Variants in ASTN2 observed in about 807,000 individuals in gnomAD.
ASTN2 encodes astrotactin-2.
A neutral mutation model predicts 139.8 loss-of-function variants in ASTN2; 54 were observed. That is an observed-to-expected ratio of 0.39 (90% CI 0.31 to 0.48). The LOEUF (loss-of-function observed/expected upper bound fraction) is 0.48, where lower values mean the gene tolerates loss of function less well. ASTN2 is among the 20% of genes least tolerant of loss of function. The probability of loss-of-function intolerance (pLI) is 0.95; values close to 1 mark genes in which losing one functional copy is unlikely to be tolerated. For synonymous variants in ASTN2, 756 were observed against 719.5 expected (o/e 1.05, Z -0.81); for missense variants, 1,565 against 1,725.1 (o/e 0.91, Z 1.64).
At chr9:117,141,527 C>A (rs1830075795) in intron 3 of ASTN2, 49 bp from the exon 4 acceptor site, 1 of 1,336,118 alleles carries the variant, frequency 7.5e-7, no homozygotes, top group African/African-American at 1.5e-5. Context: ...CCACCCTCAG[C>A]ACCTAGAGCA....
chr9:117,317,436 G>C (rs944300361), intron 1 of ASTN2, among the ~76,000 whole-genome samples: 3 of 152,208 alleles, frequency 2.0e-5, no homozygotes, highest in Admixed American at 6.5e-5. Context: ...TGGGAAGGAA[G>C]TAGCAGCTGC....
intron 7 of ASTN2, among the ~76,000 whole-genome samples, chr9:116,997,367 CCAAA>C (rs1406330067): frequency 6.6e-6 from 1 of 152,148 alleles, no homozygotes; most frequent in African/African-American, 2.4e-5. Flanking sequence ...ATCAAGACTA[CCAAA>C]CAGAGATAAA....
intron 5 of ASTN2, among the ~76,000 whole-genome samples, chr9:117,078,096 T>TA (rs1703433794): frequency 6.6e-6 from 1 of 152,184 alleles, no homozygotes; most frequent in Non-Finnish European, 1.5e-5. Flanking sequence ...GCTCCTCCCT[T>TA]AGACTTGTAT....
intron 11 of ASTN2, among the ~76,000 whole-genome samples, chr9:116,847,861 T>G (rs1289351914): frequency 6.6e-6 from 1 of 152,184 alleles, no homozygotes; most frequent in Non-Finnish European, 1.5e-5. Flanking sequence ...CTGACGCCAT[T>G]TGGAAGAATA....
At chr9:117,026,900 GATGCACAA>G (rs1838103773) in intron 6 of ASTN2, among the ~76,000 whole-genome samples, 1 of 134,406 alleles carries the variant, frequency 7.4e-6, no homozygotes, top group South Asian at 2.4e-4. Context: ...CCATTTCACA[GATGCACAA>G]ACGAGGCTTA....
chr9:116,544,061 A>C (rs1016174121), intron 19 of ASTN2, among the ~76,000 whole-genome samples: 1 of 152,202 alleles, frequency 6.6e-6, no homozygotes, highest in Non-Finnish European at 1.5e-5. Flanking sequence ...AATTCCCTGC[A>C]GAAACACTTG....
intron 3 of ASTN2, among the ~76,000 whole-genome samples, chr9:117,179,198 C>T (rs1830993459): frequency 6.6e-6 from 1 of 152,140 alleles, no homozygotes; most frequent in African/African-American, 2.4e-5. Context: ...ATTCCAACCA[C>T]CAGAGCTTTC....
intron 16 of ASTN2, among the ~76,000 whole-genome samples, chr9:116,685,550 GAA>G (rs943518763): frequency 6.6e-5 from 10 of 152,124 alleles, no homozygotes; most frequent in Non-Finnish European, 1.5e-4. Context: ...TTAAAATGCT[GAA>G]TAAAGAGTGT....
intron 10 of ASTN2, among the ~76,000 whole-genome samples, chr9:116,971,592 C>T (rs566250111): frequency 6.6e-6 from 1 of 152,300 alleles, no homozygotes; most frequent in Admixed American, 6.5e-5. Flanking sequence ...TTTAAGTCTT[C>T]CTCAAAGCCC....
intron 16 of ASTN2, among the ~76,000 whole-genome samples, chr9:116,723,851 T>G (rs911847897): frequency 2.0e-5 from 3 of 152,216 alleles, no homozygotes; most frequent in East Asian, 1.9e-4. Flanking sequence ...GCAAGAAAAG[T>G]GCCTTTGCAG....
At chr9:116,640,059 A>C (rs1271820346) in intron 17 of ASTN2, among the ~76,000 whole-genome samples, 1 of 152,184 alleles carries the variant, frequency 6.6e-6, no homozygotes, top group Non-Finnish European at 1.5e-5. Context: ...AATGTATAGG[A>C]AAATATTTTG....
rs143393598 is a variant in ASTN2 at position 116,811,790 on chromosome 9, A to T, written c.2208-5970T>A. On this transcript the variant is annotated intron_variant, in intron 12 of 22. Coordinates refer to ENST00000313400, the MANE Select transcript of ASTN2 (RefSeq NM_001365068.1). ...GCTTATTATTGTTATTGTTGTTGTT[A>T]CTTAGTCCATTAACCCATTTACATA... Among the ~76,000 whole-genome samples, 225 of 152,306 alleles carry T rather than the reference A, an allele frequency of 1.5e-3. 3 individuals are homozygous for T. The East Asian group carries it at 0.028, about 19-fold the overall frequency.
At chr9:117,401,846 A>G (rs990212458) in intron 1 of ASTN2, among the ~76,000 whole-genome samples, 1 of 152,178 alleles carries the variant, frequency 6.6e-6, no homozygotes, top group Admixed American at 6.5e-5. Context: ...TTTGTCAACT[A>G]TTTTTAAAAA....
intron 19 of ASTN2, among the ~76,000 whole-genome samples, chr9:116,490,813 T>C (rs1849497898): frequency 6.6e-6 from 1 of 152,118 alleles, no homozygotes; most frequent in Non-Finnish European, 1.5e-5. Flanking sequence ...CACATGGGGA[T>C]TATGGGAACT....
At chr9:116,490,057 A>G (rs545360253) in intron 19 of ASTN2, among the ~76,000 whole-genome samples, 2 of 152,114 alleles carry the variant, frequency 1.3e-5, no homozygotes, top group African/African-American at 4.8e-5. Flanking sequence ...TACAGAGTAA[A>G]GCCAAGGGTC....
intron 2 of ASTN2, among the ~76,000 whole-genome samples, chr9:117,231,228 T>C (rs576414176): frequency 5.0e-4 from 76 of 152,322 alleles, no homozygotes; most frequent in Non-Finnish European, 8.8e-4. Flanking sequence ...ATGAAAACCA[T>C]AGAAATTCTT....
Position 117,414,614 on chromosome 9 carries a change from C to T in ASTN2, c.325G>A (p.Gly109Ser). ...GACTCGGCGGCGGTGCCGGCAGAGCCAGGAGAGCCCGGGGACGCGGCGGCG... is the reference window on the plus strand; with the variant it reads ...GACTCGGCGGCGGTGCCGGCAGAGCTAGGAGAGCCCGGGGACGCGGCGGCG... The part of the protein sequence containing the change: ...AAAAASPGSP[G>S]SAGTAAESRL... Residue 109 changes from glycine to serine, a missense_variant, in exon 1 of 23, where the codon GGC (glycine) becomes AGC (serine). By Grantham distance (56) the Gly-to-Ser change is moderately conservative. Coordinates refer to ENST00000313400, the MANE Select transcript of ASTN2 (RefSeq NM_001365068.1). This position sits in a 1 kb window ranked among gnomAD's most constrained non-coding sequence, Gnocchi z 4.2. 1 of 1,537,540 alleles carries T rather than the reference C, an allele frequency of 6.5e-7. No homozygotes were observed. The highest frequency in any genetic ancestry group is 8.7e-7 in the Non-Finnish European group (1 of 1,148,382).
chr9:117,291,494 C>T lies in ASTN2; in HGVS notation c.462G>A (p.Ala154=), dbSNP rs371959327. ...FFTLEMSGTA[A]DISLVHWRQQ... is the part of the protein sequence containing the mutation. ...GTCTCCAGTGCACCAGCGAGATGTC[C>T]GCTGCTGTGCCAGACATCTCTGCAA... Residue 154 remains alanine (A), a synonymous_variant, in exon 2 of 23, where the codon GCG becomes GCA. Transcript: ENST00000313400. 1.9e-6 allele frequency: 3 copies of T among 1,608,664 alleles called. No homozygotes were observed. Among genetic ancestry groups the T allele is most frequent in the Admixed American group, 1.7e-5 (1 of 59,662 alleles).
intron 3 of ASTN2, among the ~76,000 whole-genome samples, chr9:117,142,967 C>A (rs975990350): frequency 6.6e-6 from 1 of 152,128 alleles, no homozygotes; most frequent in South Asian, 2.1e-4. Context: ...TTTGAAGGGG[C>A]TTCATCAGAC....
Sources: gnomAD v4.1 joint callset for allele counts (sites outside exome capture counted in the v4.1 genomes callset) on GRCh38, gnomAD v4.1.1 for gene constraint, Gnocchi (gnomAD v3.1) non-coding constraint, MANE v1.5 for transcripts, NCBI Gene and HGNC (gene_info 2026-07-23, HGNC 2026-07-21) for gene names.